The following DOCK5 variants were observed in gnomAD, a reference collection of about 807,000 sequenced individuals.
DOCK5 encodes dedicator of cytokinesis 5.
In DOCK5, 142 loss-of-function variants were observed where a neutral mutation model predicts 251.8. The ratio of observed to expected loss-of-function variants is 0.56; its 90% CI spans 0.49 to 0.65. The LOEUF (loss-of-function observed/expected upper bound fraction) is 0.65. Ranked by LOEUF, DOCK5 falls within the 30% of genes least tolerant of loss-of-function variation. The pLI is 0.00. For synonymous variants in DOCK5, 842 were observed against 835.5 expected (o/e 1.01, Z -0.13); for missense variants, 2,111 against 2,312.3 (o/e 0.91, Z 1.79).
At chr8:25,401,547 AC>A (rs1801438637) in intron 47 of DOCK5, among the ~76,000 whole-genome samples, 1 of 152,164 alleles carries the variant, frequency 6.6e-6, no homozygotes, top group African/African-American at 2.4e-5. Context: ...AGCCTGGCCA[AC>A]ATGGTGAAAC....
intron 18 of DOCK5, among the ~76,000 whole-genome samples, chr8:25,330,468 G>T (rs1041706726): frequency 2.0e-5 from 3 of 152,208 alleles, no homozygotes; most frequent in Non-Finnish European, 4.4e-5. Flanking sequence ...GCAAAGGGAA[G>T]AATATACACA....
chr8:25,302,743 A>G (rs1804800545), intron 10 of DOCK5, among the ~76,000 whole-genome samples: 1 of 152,206 alleles, frequency 6.6e-6, no homozygotes, highest in South Asian at 2.1e-4. Flanking sequence ...CAGGACGGGA[A>G]TTTTGACTCA....
At chr8:25,241,634 C>T (rs1047329434) in intron 1 of DOCK5, among the ~76,000 whole-genome samples, 2 of 152,122 alleles carry the variant, frequency 1.3e-5, no homozygotes, top group African/African-American at 4.8e-5. Flanking sequence ...CCATTTGATC[C>T]AGTAATCCCA....
chr8:25,312,993 CAAGATCTCCTTG>C (rs1276279540), intron 13 of DOCK5, among the ~76,000 whole-genome samples: 1 of 152,076 alleles, frequency 6.6e-6, no homozygotes, highest in East Asian at 1.9e-4. Flanking sequence ...ATCAGCTAAT[CAAGATCTCCTTG>C]AAGATCTCCT....
chr8:25,364,574 G>A, intron 29 of DOCK5, 52 bp from the exon 30 acceptor site: 2 of 1,355,202 alleles, frequency 1.5e-6, no homozygotes, highest in Non-Finnish European at 2.1e-6. Flanking sequence ...GGTGGGAAAA[G>A]GTTTCAAAGG....
At chr8:25,192,774 A>C (rs2117443761) in intron 1 of DOCK5, among the ~76,000 whole-genome samples, 1 of 152,322 alleles carries the variant, frequency 6.6e-6, no homozygotes, top group East Asian at 1.9e-4. Context: ...GGCCTCCCAA[A>C]GTATTGGGAT....
intron 1 of DOCK5, among the ~76,000 whole-genome samples, chr8:25,235,501 C>T (rs975596904): frequency 6.6e-6 from 1 of 152,168 alleles, no homozygotes; most frequent in Non-Finnish European, 1.5e-5. Context: ...TCAAGCAATC[C>T]TCCCACTCAG....
intron 2 of DOCK5, among the ~76,000 whole-genome samples, chr8:25,264,567 T>G (rs1803686261): frequency 6.6e-6 from 1 of 151,882 alleles, no homozygotes; most frequent in Non-Finnish European, 1.5e-5. Flanking sequence ...GGCTCACGCC[T>G]GTAATCCCAG....
At chr8:25,206,473 C>T (rs1432574676) in intron 1 of DOCK5, among the ~76,000 whole-genome samples, 1 of 152,124 alleles carries the variant, frequency 6.6e-6, no homozygotes, top group African/African-American at 2.4e-5. Flanking sequence ...TCACAGAATT[C>T]CTGAAAATTC....
chr8:25,391,197 C>CTGGGTG lies in DOCK5; in HGVS notation c.4356-697_4356-696insGGTGTG, dbSNP rs1491383745. 1.1e-3 allele frequency among the ~76,000 whole-genome samples: 26 copies of CTGGGTG among 22,918 alleles called. 1 individual carries two copies. The Non-Finnish European group carries it at 0.017, about 15-fold the overall frequency. The allele number at this position is 22,918 out of a possible 152,430, so 15.0% of individuals were successfully genotyped here. ...GTAGCTGGGACATACACCACCACAC[C>CTGGGTG]TGTGTGTGTGTGTGTGTGTGTGTGT... On this transcript the variant is annotated intron_variant, in intron 42 of 51. Transcript: ENST00000276440.
Position 25,340,958 on chromosome 8 carries a change from C to G in DOCK5, c.2409C>G (p.Asp803Glu). The G allele has an allele frequency of 1.2e-6, 2 of 1,613,028 alleles. No individual in the cohort carries two copies. Among genetic ancestry groups the G allele is most frequent in the East Asian group, 2.2e-5 (1 of 44,854 alleles). Residue 803 changes from aspartate (D) to glutamate (E), a missense_variant, in exon 23 of 52, where the codon GAC (aspartate) becomes GAG (glutamate). Coordinates refer to ENST00000276440, the MANE Select transcript of DOCK5 (RefSeq NM_024940.8). ...QLFLAFNMLM[D>E]RPLEEAVKIK... ...TTCTTGCTTTCAATATGCTGATGGA[C>G]AGGCCTCTGGAGGAAGCCGTCAAGA...
chr8:25,320,457 C>G (rs1216345262), intron 15 of DOCK5, among the ~76,000 whole-genome samples: 1 of 152,156 alleles, frequency 6.6e-6, no homozygotes, highest in African/African-American at 2.4e-5. Context: ...TAGATACTTG[C>G]ATAAGGTTCC....
chr8:25,358,844 TG>T, intron 27 of DOCK5, 118 bp from the exon 28 acceptor site: 1 of 810,866 alleles, frequency 1.2e-6, no homozygotes. Context: ...GTTTCCAGTG[TG>T]GTGGGATACC....
Position 25,363,110 on chromosome 8 carries a change from G to T in DOCK5, c.3013G>T (p.Asp1005Tyr). 1 of 1,614,066 alleles carries T rather than the reference G, an allele frequency of 6.2e-7. No homozygotes were observed. Among genetic ancestry groups the T allele is most frequent in the Non-Finnish European group, 8.5e-7 (1 of 1,179,896 alleles). ...DLIGKNVYAK[D>Y]WMVMNMTQNR... ...GATTGGAAAGAATGTCTATGCCAAAGATTGGATGGTGATGAATATGACTCA... is the reference window on the plus strand; with the variant it reads ...GATTGGAAAGAATGTCTATGCCAAATATTGGATGGTGATGAATATGACTCA... The change falls in exon 29 of 52, where the codon GAT becomes TAT. Residue 1005 changes from aspartate to tyrosine, a missense_variant. This residue lies in a region of DOCK5 where 1,717 missense variants were observed against 1,892.4 expected (regional missense o/e 0.91). Coordinates refer to ENST00000276440, the MANE Select transcript of DOCK5 (RefSeq NM_024940.8).
Position 25,299,791 on chromosome 8 carries a change from C to T in DOCK5, c.764+690C>T, listed in dbSNP as rs528344584. On this transcript the variant is annotated intron_variant, in intron 8 of 51. Transcript: ENST00000276440. ...CTACAGTGGTACTACTGTTTAGCAG[C>T]TAAGAAAATGGAGAATTTATTTTTG... Among the ~76,000 whole-genome samples, 4 of 152,110 alleles carry T rather than the reference C, an allele frequency of 2.6e-5. No homozygotes were observed. The East Asian group carries it at 7.7e-4, about 29-fold the overall frequency.
chr8:25,292,089 C>G lies in DOCK5; in HGVS notation c.387C>G (p.Ser129=). The G allele has an allele frequency of 6.3e-7, 1 of 1,595,384 alleles. No homozygotes were observed. The highest frequency in any genetic ancestry group is 1.1e-5 in the South Asian group (1 of 88,248). Residue 129 remains serine (S), a synonymous_variant, in exon 6 of 52, where the codon TCC becomes TCG. Transcript: ENST00000276440. The part of the protein sequence containing the change: ...QMTYSLIEWR[S]QILSGTLPKD... Reference sequence around the variant, plus strand: ...CGTACAGCCTGATCGAGTGGCGGTCCCAGATCCTGTCTGGGACGCTCCCCA... The same window carrying G: ...CGTACAGCCTGATCGAGTGGCGGTCGCAGATCCTGTCTGGGACGCTCCCCA...
chr8:25,185,051 C>A (rs548619253), intron 1 of DOCK5, 100 bp downstream of exon 1: 27 of 1,223,816 alleles, frequency 2.2e-5, no homozygotes, highest in Non-Finnish European at 2.7e-5. Flanking sequence ...AGGACCCTGG[C>A]CGGGGGCTCG....
At position 25,336,311 on chromosome 8, in the gene DOCK5, T is replaced by G. The variant is rs1805804993; in HGVS notation, c.2265T>G (p.Ala755=). The G allele has an allele frequency of 6.2e-7, 1 of 1,613,856 alleles. No individual in the cohort carries two copies. The highest frequency in any genetic ancestry group is 8.5e-7 in the Non-Finnish European group (1 of 1,179,882). The change falls in exon 22 of 52, where the codon GCT becomes GCG. Residue 755 remains alanine, a synonymous_variant. Transcript: ENST00000276440. The part of the protein sequence containing the change: ...DDSSKTELLF[A]ALKALKYLFR... ...CCAGCAAGACTGAACTGCTTTTTGC[T>G]GCGTTGAAAGCCTTGAAGTACTTGT... is the stretch of plus-strand genomic sequence containing the variant.
At chr8:25,387,199 T>C (rs897403495) in intron 40 of DOCK5, among the ~76,000 whole-genome samples, 17 of 5,860 alleles carry the variant, frequency 2.9e-3, no homozygotes, top group African/African-American at 3.3e-3. Flanking sequence ...TTTTTTTTTT[T>C]TTTAAGAGGT....
Sources: allele counts gnomAD v4.1 joint callset (sites outside exome capture counted in the v4.1 genomes callset), GRCh38; gene constraint gnomAD v4.1.1; regional missense constraint gnomAD v4.1.1; transcripts MANE v1.5; gene names NCBI Gene and HGNC (gene_info 2026-07-23, HGNC 2026-07-21).